Variants in ARMC9 observed in about 807,000 individuals in gnomAD.
ARMC9 encodes the protein armadillo repeat containing 9, also known as lisH domain-containing protein ARMC9.
A neutral mutation model predicts 107.0 loss-of-function variants in ARMC9; 94 were observed. The ratio of observed to expected loss-of-function variants is 0.88; its 90% CI spans 0.74 to 1.04. ARMC9 has a LOEUF of 1.04. ARMC9 is among the 50% of genes least tolerant of loss of function. The probability of loss-of-function intolerance (pLI) is 0.00; values close to 1 mark genes in which losing one functional copy is unlikely to be tolerated. For missense variants in ARMC9, 942 were observed against 1,030.1 expected (o/e 0.91, Z 1.17); for synonymous variants, 380 against 396.9 (o/e 0.96, Z 0.51).
chr2:231,226,666 T>C, intron 6 of ARMC9, 108 bp from the exon 7 acceptor site: 6 of 1,341,622 alleles, frequency 4.5e-6, no homozygotes, highest in Non-Finnish European at 6.4e-6. Context: ...GCTCCGAGAA[T>C]TCTGTTTCAT....
chr2:231,220,555 C>G (rs960130199), intron 5 of ARMC9, among the ~76,000 whole-genome samples: 3 of 150,036 alleles, frequency 2.0e-5, no homozygotes, highest in African/African-American at 7.4e-5. Flanking sequence ...CGAGATCACA[C>G]CACTGCGCTC....
intron 19 of ARMC9, among the ~76,000 whole-genome samples, chr2:231,330,259 G>A (rs141331289): frequency 0.019 from 2,496 of 134,574 alleles, 54 homozygotes; most frequent in African/African-American, 0.05. Context: ...ACGGAATCTC[G>A]CTCTGTCACC....
At chr2:231,221,464 C>G (rs1389603235) in intron 5 of ARMC9, among the ~76,000 whole-genome samples, 1 of 152,052 alleles carries the variant, frequency 6.6e-6, no homozygotes, top group Non-Finnish European at 1.5e-5. Flanking sequence ...ACAGTTCAAT[C>G]CATAATAACA....
Position 231,345,208 on chromosome 2 carries a change from CTCTT to C in ARMC9, c.1994+120_1994+123del, listed in dbSNP as rs1446193398. 2.1e-5 allele frequency: 32 copies of C among 1,502,164 alleles called. No individual in the cohort carries two copies. The Admixed American group carries it at 8.6e-4, about 40-fold the overall frequency. The allele number at this position is 1,502,164 out of a possible 1,614,324, so 93.1% of individuals were successfully genotyped here. A position where few individuals can be genotyped will look rare whatever the true frequency, so the allele number is the denominator to read the frequency against. On this transcript the variant is annotated intron_variant, in intron 21 of 24. Transcript: ENST00000611582. ...AGCATTCATTTTGAAAAGCATTTAT[CTCTT>C]TATTTTTGGGGGATTTTTGGAGGGA...
Position 231,237,429 on chromosome 2 carries a change from C to CA in ARMC9, c.780+2055dup, listed in dbSNP as rs1051482972. Among the ~76,000 whole-genome samples, 31 of 151,758 alleles carry CA rather than the reference C, an allele frequency of 2.0e-4. 1 individual carries two copies. Among genetic ancestry groups the CA allele is most frequent in the African/African-American group, 7.2e-4 (30 of 41,410 alleles). On this transcript the variant is annotated intron_variant, in intron 8 of 24. Transcript: ENST00000611582. ...TTTTTTGTTTTTTTGTTTGCTATAA[C>CA]AAAAAAATGTTGCAGTGAACATCCT... is the stretch of plus-strand genomic sequence containing the variant.
At chr2:231,215,164 C>A in intron 4 of ARMC9, 163 bp downstream of exon 4, 1 of 675,214 alleles carries the variant, frequency 1.5e-6, no homozygotes, top group Non-Finnish European at 2.3e-6. Flanking sequence ...TACTGTATTC[C>A]CAGCAGTTTA....
intron 21 of ARMC9, among the ~76,000 whole-genome samples, chr2:231,350,178 A>G (rs1437107642): frequency 6.6e-6 from 1 of 151,942 alleles, no homozygotes; most frequent in Admixed American, 6.6e-5. Flanking sequence ...GGCACCCGCC[A>G]CCACACCTGG....
intron 19 of ARMC9, among the ~76,000 whole-genome samples, chr2:231,328,030 C>T (rs376356244): frequency 2.6e-5 from 4 of 152,088 alleles, no homozygotes; most frequent in Non-Finnish European, 4.4e-5. Context: ...GTGATTCGCT[C>T]GCCTCGGCTT....
At chr2:231,247,157 G>GT (rs1294641802) in intron 9 of ARMC9, among the ~76,000 whole-genome samples, 1 of 152,102 alleles carries the variant, frequency 6.6e-6, no homozygotes, top group Non-Finnish European at 1.5e-5. Context: ...AGGTTTCACC[G>GT]TGTTAGCCAG....
chr2:231,273,225 T>G, intron 14 of ARMC9, 147 bp downstream of exon 14: 1 of 1,128,910 alleles, frequency 8.9e-7, no homozygotes, highest in Non-Finnish European at 1.3e-6. Flanking sequence ...AAAGCTTATC[T>G]GTAATCCACT....
At chr2:231,337,286 ATATATTTTTTTTTT>A (rs1204580779) in intron 20 of ARMC9, among the ~76,000 whole-genome samples, 752 of 59,698 alleles carry the variant, frequency 0.013, 5 homozygotes, top group African/African-American at 0.052. Flanking sequence ...ATATATATAT[ATATATTTTTTTTTT>A]TTTTTTTTTT....
chr2:231,225,467 TATC>T (rs1343277823), intron 6 of ARMC9, among the ~76,000 whole-genome samples: 1 of 152,212 alleles, frequency 6.6e-6, no homozygotes, highest in Non-Finnish European at 1.5e-5. Flanking sequence ...CTCAAATGTC[TATC>T]ATCTTATGAA....
At chr2:231,353,969 ATATG>A (rs199631841) in intron 21 of ARMC9, among the ~76,000 whole-genome samples, 68 of 123,974 alleles carry the variant, frequency 5.5e-4, no homozygotes, top group African/African-American at 3.9e-3. Context: ...AATGCAGCAT[ATATG>A]TATATATACA....
chr2:231,299,163 C>A (rs986969887), intron 19 of ARMC9, among the ~76,000 whole-genome samples: 1 of 151,824 alleles, frequency 6.6e-6, no homozygotes, highest in Admixed American at 6.6e-5. Context: ...AATATACATA[C>A]GTTTATATAC....
At chr2:231,369,718 T>G (rs2045943498) in intron 23 of ARMC9, among the ~76,000 whole-genome samples, 1 of 151,916 alleles carries the variant, frequency 6.6e-6, no homozygotes, top group Non-Finnish European at 1.5e-5. Flanking sequence ...CTCAGCCTCC[T>G]GAGGAGCTGG....
intron 19 of ARMC9, among the ~76,000 whole-genome samples, chr2:231,307,260 G>A (rs976955029): frequency 6.6e-6 from 1 of 152,228 alleles, no homozygotes; most frequent in African/African-American, 2.4e-5. Context: ...GCATAAGCAT[G>A]CTGAGGACTG....
intron 11 of ARMC9, among the ~76,000 whole-genome samples, chr2:231,260,765 T>C (rs148398781): frequency 2.5e-4 from 38 of 152,340 alleles, no homozygotes; most frequent in African/African-American, 8.9e-4. Flanking sequence ...TTACTGACGC[T>C]GCACTTCCTC....
chr2:231,308,189 A>G (rs998399465), intron 19 of ARMC9, among the ~76,000 whole-genome samples: 2 of 152,260 alleles, frequency 1.3e-5, no homozygotes, highest in African/African-American at 4.8e-5. Context: ...GCGGCAACAC[A>G]GCCAGTATTT....
intron 24 of ARMC9, 119 bp from the exon 25 acceptor site, chr2:231,371,394 C>T (rs1213936482): frequency 1.2e-5 from 14 of 1,201,162 alleles, no homozygotes; most frequent in South Asian, 8.2e-5. Flanking sequence ...AACAGGTGAC[C>T]TGGGAGAGGG....
Sources: allele counts gnomAD v4.1 joint callset (sites outside exome capture counted in the v4.1 genomes callset), GRCh38; gene constraint gnomAD v4.1.1; transcripts MANE v1.5; gene names NCBI Gene and HGNC (gene_info 2026-07-23, HGNC 2026-07-21).